Variants in SYCP2 observed in about 807,000 individuals in gnomAD.
SYCP2 encodes the protein synaptonemal complex protein 2.
In SYCP2, 55 loss-of-function variants were observed where a neutral mutation model predicts 211.3. That is an observed-to-expected ratio of 0.26 (90% CI 0.21 to 0.33). The LOEUF is 0.33. Ranked by LOEUF, SYCP2 falls within the 10% of genes least tolerant of loss-of-function variation. The pLI is 1.00. For missense variants in SYCP2, 1,731 were observed against 1,752.0 expected, an observed-to-expected ratio of 0.99 and a Z score of 0.21; for synonymous variants, 570 against 555.2, an observed-to-expected ratio of 1.03 and a Z score of -0.37.
rs2060413898 is a variant in SYCP2 at position 59,915,216 on chromosome 20, C to G, written c.600-17G>C. ...ATACTACTCCTGTGAATTAAAATAA[C>G]AGATTACAAAATAGACCAGTATCAA... is the stretch of plus-strand genomic sequence containing the variant. On this transcript the variant is annotated splice_polypyrimidine_tract_variant and intron_variant, in intron 9 of 44. Coordinates refer to ENST00000357552, the MANE Select transcript of SYCP2 (RefSeq NM_014258.4). 1 of 1,553,098 alleles carries G rather than the reference C, an allele frequency of 6.4e-7. No homozygotes were observed. The highest frequency in any genetic ancestry group is 1.4e-5 in the African/African-American group (1 of 73,598).
chr20:59,868,314 A>G (rs1416034842), intron 38 of SYCP2, 99 bp downstream of exon 38: 1 of 1,244,184 alleles, frequency 8.0e-7, no homozygotes, highest in Non-Finnish European at 1.1e-6. Flanking sequence ...ACATATCCAA[A>G]GTTGTCTTTA....
chr20:59,896,337 C>A, intron 19 of SYCP2, 92 bp downstream of exon 19: 3 of 673,374 alleles, frequency 4.5e-6, no homozygotes, highest in South Asian at 2.0e-5. Flanking sequence ...CCAAACTTAT[C>A]CTTTATGTAA....
chr20:59,877,836 T>TCAAA (rs11472207), intron 32 of SYCP2, among the ~76,000 whole-genome samples, 172 bp downstream of exon 32: 3,028 of 151,710 alleles, frequency 0.02, 42 homozygotes, highest in Middle Eastern at 0.041. Flanking sequence ...TAAAATGGAG[T>TCAAA]CAAAGGCCAG....
rs749957901 is a variant in SYCP2 at position 59,921,299 on chromosome 20, T to C, written c.168+11A>G. On this transcript the variant is annotated intron_variant, in intron 4 of 44. Coordinates refer to ENST00000357552, the MANE Select transcript of SYCP2 (RefSeq NM_014258.4). ...AATTGTAACAATCATTCAGCAAAAA[T>C]GAATATTTACCCTGCATATAAGGTT... 1.3e-6 allele frequency: 2 copies of C among 1,577,762 alleles called. No individual in the cohort carries two copies. The highest frequency in any genetic ancestry group is 1.7e-6 in the Non-Finnish European group (2 of 1,162,274).
intron 2 of SYCP2, among the ~76,000 whole-genome samples, chr20:59,923,994 C>T (rs2060588958): frequency 6.6e-6 from 1 of 151,876 alleles, no homozygotes; most frequent in South Asian, 2.1e-4. Flanking sequence ...GCTGCTCTGA[C>T]ATATTGACTA....
intron 31 of SYCP2, among the ~76,000 whole-genome samples, chr20:59,878,705 G>A (rs1366715767): frequency 6.6e-6 from 1 of 151,910 alleles, no homozygotes; most frequent in Non-Finnish European, 1.5e-5. Context: ...AATATAATGA[G>A]ATTTATAAAA....
chr20:59,903,573 G>T (rs1376838448), intron 15 of SYCP2, among the ~76,000 whole-genome samples: 1 of 152,088 alleles, frequency 6.6e-6, no homozygotes, highest in Non-Finnish European at 1.5e-5. Flanking sequence ...AGAACTTGGA[G>T]AAATTACCCT....
intron 2 of SYCP2, among the ~76,000 whole-genome samples, chr20:59,927,700 A>G (rs1480943238): frequency 6.6e-6 from 1 of 152,148 alleles, no homozygotes; most frequent in Non-Finnish European, 1.5e-5. Context: ...TCCGTGAGAA[A>G]GACTGAGTAT....
intron 26 of SYCP2, 47 bp from the exon 27 acceptor site, chr20:59,882,212 T>C (rs1356106235): frequency 2.2e-6 from 3 of 1,387,616 alleles, no homozygotes; most frequent in Middle Eastern, 1.9e-4. Context: ...AACAGGTATA[T>C]GAAAAAATGC....
intron 31 of SYCP2, among the ~76,000 whole-genome samples, chr20:59,879,476 T>C (rs892142820): frequency 3.9e-5 from 6 of 151,928 alleles, no homozygotes; most frequent in African/African-American, 1.4e-4. Context: ...AAAATAAATA[T>C]ACATTTAGTT....
At chr20:59,900,691 A>G in intron 17 of SYCP2, 53 bp downstream of exon 17, 4 of 1,365,810 alleles carry the variant, frequency 2.9e-6, no homozygotes, top group South Asian at 2.4e-5. Context: ...CTGTTCCATT[A>G]GTTATGGTTA....
At chr20:59,916,597 T>C (rs1568977169) in intron 7 of SYCP2, 26 bp from the exon 8 acceptor site, 1 of 1,411,148 alleles carries the variant, frequency 7.1e-7, no homozygotes, top group South Asian at 1.2e-5. Context: ...AAATTATTGA[T>C]AAATGTTCAT....
rs747604833 is a variant in SYCP2 at position 59,914,267 on chromosome 20, TTAA to T, written c.635-19_635-17del. On this transcript the variant is annotated splice_polypyrimidine_tract_variant and intron_variant, in intron 10 of 44. Transcript: ENST00000357552. ...AAGTCATAATCTATTAAAAAAATAG[TTAA>T]TGTTTGATTTACAATTATGAAAATT... The T allele has an allele frequency of 1.4e-6, 2 of 1,460,372 alleles. No homozygotes were observed. The highest frequency in any genetic ancestry group is 4.2e-5 in the Admixed American group (2 of 47,726). The allele number at this position is 1,460,372 out of a possible 1,614,324, so 90.5% of individuals were successfully genotyped here. A position where few individuals can be genotyped will look rare whatever the true frequency, so the allele number is the denominator to read the frequency against.
chr20:59,919,615 C>CT lies in SYCP2; in HGVS notation c.298-19dup. ...GCAACCATGTAAAAAAAGGAATGAA[C>CT]TTATTAGAGTTCCATTTTAATAATT... On this transcript the variant is annotated intron_variant, in intron 5 of 44. Transcript: ENST00000357552. The CT allele has an allele frequency of 1.4e-6, 2 of 1,450,524 alleles. No homozygotes were observed. Among genetic ancestry groups the CT allele is most frequent in the African/African-American group, 1.4e-5 (1 of 70,374 alleles). 89.9% of individuals were successfully genotyped at this position (1,450,524 alleles called of 1,614,324 possible). A position where few individuals can be genotyped will look rare whatever the true frequency, so the allele number is the denominator to read the frequency against.
chr20:59,916,346 T>C (rs2060442281), intron 8 of SYCP2, 140 bp downstream of exon 8: 2 of 595,476 alleles, frequency 3.4e-6, no homozygotes, highest in East Asian at 2.9e-5. Context: ...TTCGGAAATA[T>C]GTCAGGCAAT....
chr20:59,904,897 G>A (rs2060185937), intron 15 of SYCP2, among the ~76,000 whole-genome samples: 1 of 152,054 alleles, frequency 6.6e-6, no homozygotes, highest in South Asian at 2.1e-4. Flanking sequence ...AGAGAGAGAT[G>A]GGAAAGTGCC....
At chr20:59,911,539 G>C (rs896573164) in intron 14 of SYCP2, among the ~76,000 whole-genome samples, 6 of 152,028 alleles carry the variant, frequency 3.9e-5, no homozygotes, top group African/African-American at 1.4e-4. Context: ...TTAAAACTCA[G>C]CATTATTTTT....
chr20:59,878,187 G>A, intron 31 of SYCP2, 142 bp from the exon 32 acceptor site: 2 of 605,814 alleles, frequency 3.3e-6, no homozygotes, highest in Non-Finnish European at 5.4e-6. Flanking sequence ...TTTAATAAGT[G>A]AACCTCCATG....
At chr20:59,904,085 A>C (rs1223551160) in intron 15 of SYCP2, among the ~76,000 whole-genome samples, 2 of 152,148 alleles carry the variant, frequency 1.3e-5, no homozygotes, top group African/African-American at 4.8e-5. Flanking sequence ...GTGAGCAGTA[A>C]TGCCTGGAGT....
Sources: gnomAD v4.1 joint callset for allele counts (sites outside exome capture counted in the v4.1 genomes callset) on GRCh38, gnomAD v4.1.1 for gene constraint, MANE v1.5 for transcripts, NCBI Gene and HGNC (gene_info 2026-07-23, HGNC 2026-07-21) for gene names.